The following LUZP1 variants were observed in gnomAD, a reference collection of about 807,000 sequenced individuals.
LUZP1 encodes the protein filamin mechanobinding actin cross-linking protein.
In LUZP1, 25 loss-of-function variants were observed where a neutral mutation model predicts 71.3. The ratio of observed to expected loss-of-function variants is 0.35; its 90% CI spans 0.26 to 0.49. The LOEUF (loss-of-function observed/expected upper bound fraction) is 0.49, where lower values mean the gene tolerates loss of function less well. Among genes scored for constraint, LUZP1 ranks in the 20% least tolerant of loss-of-function variants. The pLI, the probability that LUZP1 is intolerant of heterozygous loss-of-function variation, is 0.99. For synonymous variants in LUZP1, 481 were observed against 506.4 expected (o/e 0.95, Z 0.67); for missense variants, 1,142 against 1,300.8 (o/e 0.88, Z 1.88).
chr1:23,085,308 C>CAA (rs986156736), exon 5 of LUZP1: 3 of 152,424 alleles, frequency 2.0e-5, no homozygotes, highest in Admixed American at 1.3e-4. Flanking sequence ...CTTTAAAATA[C>CAA]AAAAAAATAG....
chr1:23,155,042 G>A (rs188719238), intron 2 of LUZP1, among the ~76,000 whole-genome samples: 2 of 152,178 alleles, frequency 1.3e-5, no homozygotes, highest in Admixed American at 1.3e-4. Context: ...TTTCGCATAT[G>A]TTGGAAAATG....
chr1:23,164,408 C>T (rs569619221), intron 2 of LUZP1, among the ~76,000 whole-genome samples: 26 of 151,794 alleles, frequency 1.7e-4, no homozygotes, highest in Middle Eastern at 3.4e-3. Flanking sequence ...GGCAGAATGG[C>T]GTGAACCCGG....
In LUZP1 at chr1:23,093,990, A is replaced by C; in HGVS notation, c.272T>G (p.Leu91Arg). The C allele has an allele frequency of 6.2e-7, 1 of 1,614,158 alleles. No individual in the cohort carries two copies. The highest frequency in any genetic ancestry group is 1.1e-5 in the South Asian group (1 of 91,076). ...TTCCTCTTCAAGTTTCTCCTTCATC[A>C]GACGACACAGATCCTCTGCTCTCTT... Residue 91 changes from leucine to arginine, a missense_variant, in exon 4 of 5, where the codon CTG becomes CGG. Coordinates refer to ENST00000302291, the Ensembl canonical transcript of LUZP1. The surrounding 1 kb of genome is among the most constrained non-coding windows in gnomAD (Gnocchi z 4.2).
At chr1:23,109,867 G>T (rs1178847667) in intron 2 of LUZP1, among the ~76,000 whole-genome samples, 1 of 152,018 alleles carries the variant, frequency 6.6e-6, no homozygotes, top group Non-Finnish European at 1.5e-5. Context: ...TTTACAGAAG[G>T]AAACTAAAAC....
chr1:23,107,240 C>T (rs1643989882), intron 3 of LUZP1, among the ~76,000 whole-genome samples: 1 of 152,194 alleles, frequency 6.6e-6, no homozygotes, highest in Admixed American at 6.5e-5. Flanking sequence ...CAGCTCCCCA[C>T]CACTATCACC....
chr1:23,097,102 C>T (rs1643896326), intron 3 of LUZP1, among the ~76,000 whole-genome samples: 1 of 152,126 alleles, frequency 6.6e-6, no homozygotes, highest in Non-Finnish European at 1.5e-5. Context: ...GCTGTTTCCT[C>T]ACAGGGAAGA....
At chr1:23,162,428 C>T (rs994671542) in intron 2 of LUZP1, among the ~76,000 whole-genome samples, 3 of 151,702 alleles carry the variant, frequency 2.0e-5, no homozygotes, top group East Asian at 3.9e-4. Flanking sequence ...TTTTTAATAA[C>T]GTAATATACT....
intron 2 of LUZP1, among the ~76,000 whole-genome samples, chr1:23,124,867 C>G (rs9426688): frequency 0.33 from 49,531 of 151,954 alleles, 8,475 homozygotes; most frequent in East Asian, 0.45. Flanking sequence ...AAAATGAAAC[C>G]TACAGACTTT....
Position 23,094,319 on chromosome 1 carries a change from G to C in LUZP1, c.-58C>G. ...CATCCAATTCCACTCAAGGGGATGAGAAATGGTTACCTTTCTCTTGGCAAC... is the reference window on the plus strand; with the variant it reads ...CATCCAATTCCACTCAAGGGGATGACAAATGGTTACCTTTCTCTTGGCAAC... On this transcript the variant is annotated 5_prime_UTR_variant, in exon 4 of 5. Coordinates refer to ENST00000302291, the Ensembl canonical transcript of LUZP1. The surrounding 1 kb of genome is among the most constrained non-coding windows in gnomAD (Gnocchi z 4.7). The C allele has an allele frequency of 6.6e-7, 1 of 1,516,194 alleles. No individual in the cohort carries two copies. Among genetic ancestry groups the C allele is most frequent in the Non-Finnish European group, 8.8e-7 (1 of 1,136,112 alleles). The allele number at this position is 1,516,194 out of a possible 1,614,324, so 93.9% of individuals were successfully genotyped here.
chr1:23,168,144 G>T (rs1359664817), intron 2 of LUZP1, among the ~76,000 whole-genome samples: 2 of 145,446 alleles, frequency 1.4e-5, no homozygotes, highest in East Asian at 4.1e-4. Context: ...CGGCGGCCGC[G>T]GGACCCCTCC....
chr1:23,144,939 C>A (rs1644330766), intron 2 of LUZP1, among the ~76,000 whole-genome samples: 1 of 152,100 alleles, frequency 6.6e-6, no homozygotes, highest in East Asian at 1.9e-4. Flanking sequence ...GTTGCCCAGG[C>A]TGCAATGCAG....
At chr1:23,147,548 AG>A (rs1201641254) in intron 2 of LUZP1, among the ~76,000 whole-genome samples, 1 of 147,934 alleles carries the variant, frequency 6.8e-6, no homozygotes, top group Non-Finnish European at 1.5e-5. Flanking sequence ...CTGAGGTGGA[AG>A]GATCACTTGA....
chr1:23,094,038 A>G lies in LUZP1; in HGVS notation c.224T>C (p.Ile75Thr), dbSNP rs746570470. 2 of 1,614,106 alleles carry G rather than the reference A, an allele frequency of 1.2e-6. No individual in the cohort carries two copies. The highest frequency in any genetic ancestry group is 1.1e-5 in the South Asian group (1 of 91,080). ...CTTAATTTCCTCGTCTTTGCCTTCA[A>G]TTCTCAGCACCCGCTGGCGCAGCAC... Residue 75 changes from isoleucine (I) to threonine (T), a missense_variant, in exon 4 of 5, where the codon ATT becomes ACT. By Grantham distance (89) the Ile-to-Thr change is moderately conservative. Transcript: ENST00000302291. The surrounding 1 kb of genome is among the most constrained non-coding windows in gnomAD (Gnocchi z 4.7).
chr1:23,121,154 T>C (rs781744547), intron 2 of LUZP1, among the ~76,000 whole-genome samples: 7 of 152,192 alleles, frequency 4.6e-5, no homozygotes, highest in Non-Finnish European at 7.3e-5. Context: ...CCTGCTCCAA[T>C]GGGGAGCTGT....
At chr1:23,116,533 G>C (rs991552211) in intron 2 of LUZP1, among the ~76,000 whole-genome samples, 1 of 145,458 alleles carries the variant, frequency 6.9e-6, no homozygotes, top group Non-Finnish European at 1.5e-5. Flanking sequence ...ATGAATGAAA[G>C]AAAGTTGGCC....
Position 23,139,001 on chromosome 1 carries a change from A to T in LUZP1, c.-226+29765T>A, listed in dbSNP as rs1297391417. 9.3e-5 allele frequency among the ~76,000 whole-genome samples: 8 copies of T among 85,662 alleles called. No individual in the cohort carries two copies. In the East Asian group the frequency reaches 2.1e-3, roughly 23 times the overall value. 56.2% of individuals were successfully genotyped at this position (85,662 alleles called of 152,430 possible). The stretch of plus-strand genomic sequence containing the variant: ...TGACAGAGCAAGACTCCATCTCAAA[A>T]AAAAAAAAAAAAAAAAAAATATATA... On this transcript the variant is annotated intron_variant, in intron 2 of 4. Transcript: ENST00000302291.
At chr1:23,127,876 T>C (rs972242089) in intron 2 of LUZP1, among the ~76,000 whole-genome samples, 2 of 151,838 alleles carry the variant, frequency 1.3e-5, no homozygotes, top group Middle Eastern at 3.2e-3. Context: ...CTCATGCTTG[T>C]AATCCCAGTA....
rs1255238773 is a variant in LUZP1, at chr1:23,143,004, AT to A, written c.-226+25761del. Among the ~76,000 whole-genome samples, 15 of 147,524 alleles carry A rather than the reference AT, an allele frequency of 1.0e-4. No homozygotes were observed. In the East Asian group the frequency reaches 1.8e-3, roughly 18 times the overall value. ...GGCTACATGGTAAGACTTCGTCTCT[AT>A]TTTTTTTTTCTTTTTTGTTTTTTGA... On this transcript the variant is annotated intron_variant, in intron 2 of 4. Transcript: ENST00000302291.
At chr1:23,123,542 C>T (rs1426430984) in intron 2 of LUZP1, among the ~76,000 whole-genome samples, 1 of 149,026 alleles carries the variant, frequency 6.7e-6, no homozygotes, top group African/African-American at 2.5e-5. Context: ...GTTGAAGTGA[C>T]ATTTTTCAGG....
Sources: allele counts gnomAD v4.1 joint callset (sites outside exome capture counted in the v4.1 genomes callset), GRCh38; gene constraint gnomAD v4.1.1; non-coding constraint Gnocchi (gnomAD v3.1); transcripts MANE v1.5; gene names NCBI Gene and HGNC (gene_info 2026-07-23, HGNC 2026-07-21).